Variants in MEGF10 observed in about 807,000 individuals in gnomAD.
MEGF10 encodes the protein multiple epidermal growth factor-like domains protein 10.
A neutral mutation model predicts 147.5 loss-of-function variants in MEGF10; 86 were observed. The observed-to-expected ratio is 0.58, with a 90% CI of 0.49 to 0.70. The LOEUF (loss-of-function observed/expected upper bound fraction) is 0.70. Among genes scored for constraint, MEGF10 ranks in the 30% least tolerant of loss-of-function variants. The probability of loss-of-function intolerance (pLI) is 0.00; values close to 1 mark genes in which losing one functional copy is unlikely to be tolerated. For missense variants in MEGF10, 1,329 were observed against 1,487.3 expected, an observed-to-expected ratio of 0.89 and a Z score of 1.75; for synonymous variants, 478 against 525.5, an observed-to-expected ratio of 0.91 and a Z score of 1.24.
chr5:127,253,047 A>G, the MEGF10 span, among the ~76,000 whole-genome samples: 2 of 152,020 alleles, frequency 1.3e-5, no homozygotes, highest in African/African-American at 4.8e-5. Context: ...CATTTAAAAT[A>G]AAGTGCTGAA....
At chr5:127,234,427 A>G in the MEGF10 span, among the ~76,000 whole-genome samples, 1 of 152,208 alleles carries the variant, frequency 6.6e-6, no homozygotes, top group Admixed American at 6.5e-5. Flanking sequence ...GAAGAAATGG[A>G]TATTGAATAG....
upstream of MEGF10, among the ~76,000 whole-genome samples, chr5:127,287,961 T>C (rs1174170491): frequency 1.3e-5 from 2 of 152,002 alleles, no homozygotes; most frequent in Non-Finnish European, 1.5e-5. Flanking sequence ...CTATGGCCAA[T>C]TGATTTTCAA....
rs1766463481 is a variant in MEGF10 at position 127,458,900 on chromosome 5, A to G, written c.*1582A>G. 6.6e-6 allele frequency: 1 copy of G among 152,190 alleles called. No individual in the cohort carries two copies. Among genetic ancestry groups the G allele is most frequent in the African/African-American group, 2.4e-5 (1 of 41,446 alleles). The allele number at this position is 152,190 out of a possible 1,614,324, so 9.4% of individuals were successfully genotyped here. A position where few individuals can be genotyped will look rare whatever the true frequency, so the allele number is the denominator to read the frequency against. On this transcript the variant is annotated 3_prime_UTR_variant, in exon 25 of 25. Coordinates refer to ENST00000503335, the MANE Select transcript of MEGF10 (RefSeq NM_001256545.2). ...GGGCATTATTAATAATTATCTTGTA[A>G]TGAACTTAAATCTGGACTGTTCCAG...
chr5:127,380,548 C>T lies in MEGF10; in HGVS notation c.412+10546C>T, dbSNP rs572165556. Among the ~76,000 whole-genome samples the T allele has an allele frequency of 5.1e-4, 77 of 150,102 alleles. 3 individuals carry two copies. Among genetic ancestry groups the T allele is most frequent in the Admixed American group, 4.3e-3 (65 of 15,038 alleles). On this transcript the variant is annotated intron_variant, in intron 5 of 24. Coordinates refer to ENST00000503335, the MANE Select transcript of MEGF10 (RefSeq NM_001256545.2). ...CTTTTTTTTTTTTGAGATGGAGTCTCGCATTGTCACCCGGGCTGGAGTGCA... is the reference window on the plus strand; with the variant it reads ...CTTTTTTTTTTTTGAGATGGAGTCTTGCATTGTCACCCGGGCTGGAGTGCA...
Position 127,459,532 on chromosome 5 carries a change from A to G in MEGF10, c.*2214A>G, listed in dbSNP as rs542905021. 6.6e-6 allele frequency: 1 copy of G among 152,206 alleles called. No individual in the cohort carries two copies. Among genetic ancestry groups the G allele is most frequent in the Admixed American group, 6.5e-5 (1 of 15,284 alleles). The allele number at this position is 152,206 out of a possible 1,614,324, so 9.4% of individuals were successfully genotyped here. On this transcript the variant is annotated 3_prime_UTR_variant, in exon 25 of 25. Coordinates refer to ENST00000503335, the MANE Select transcript of MEGF10 (RefSeq NM_001256545.2). ...CTTCAGAGCTGCATGGTAAATTTGA[A>G]TTTCCCCATTGTTCTCTAGAGCTAG...
chr5:127,280,055 A>G, the MEGF10 span, among the ~76,000 whole-genome samples: 1 of 152,198 alleles, frequency 6.6e-6, no homozygotes, highest in Non-Finnish European at 1.5e-5. Context: ...ATTATATTGT[A>G]TTAAAATAAT....
the MEGF10 span, among the ~76,000 whole-genome samples, chr5:127,263,502 A>T: frequency 6.6e-6 from 1 of 152,250 alleles, no homozygotes; most frequent in East Asian, 1.9e-4. Context: ...GGGAGACTTT[A>T]ATTTATTTAG....
intron 5 of MEGF10, among the ~76,000 whole-genome samples, chr5:127,388,494 A>G (rs1296635431): frequency 2.6e-5 from 4 of 151,100 alleles, no homozygotes; most frequent in African/African-American, 7.3e-5. Flanking sequence ...AAATCTGGCT[A>G]GCTCCTTAAT....
At chr5:127,421,138 G>A (rs1317158074) in intron 12 of MEGF10, among the ~76,000 whole-genome samples, 2 of 152,242 alleles carry the variant, frequency 1.3e-5, no homozygotes, top group Non-Finnish European at 2.9e-5. Context: ...AGTACTTGGA[G>A]ATGAGCTTGA....
the MEGF10 span, among the ~76,000 whole-genome samples, chr5:127,253,252 G>A: frequency 6.6e-6 from 1 of 151,996 alleles, no homozygotes; most frequent in African/African-American, 2.4e-5. Flanking sequence ...CTGGTATAGA[G>A]GCAAATACAA....
chr5:127,341,070 T>G (rs1283680349), intron 4 of MEGF10, among the ~76,000 whole-genome samples: 1 of 151,840 alleles, frequency 6.6e-6, no homozygotes, highest in South Asian at 2.1e-4. Context: ...TGTAGAGGAG[T>G]TTTCACATTA....
intron 8 of MEGF10, 106 bp from the exon 9 acceptor site, chr5:127,410,282 CA>C: frequency 1.9e-6 from 2 of 1,032,934 alleles, no homozygotes; most frequent in Non-Finnish European, 2.9e-6. Flanking sequence ...ATTGCAAGAG[CA>C]AAAAGCAGCT....
chr5:127,247,463 A>AGAG, the MEGF10 span, among the ~76,000 whole-genome samples: 2 of 140,952 alleles, frequency 1.4e-5, 1 homozygote, highest in Non-Finnish European at 3.1e-5. Flanking sequence ...AAGAAGAAGA[A>AGAG]GAAGAAGAAG....
chr5:127,247,239 C>A, the MEGF10 span, among the ~76,000 whole-genome samples: 1 of 139,078 alleles, frequency 7.2e-6, no homozygotes, highest in Admixed American at 7.6e-5. Flanking sequence ...AAAAAACTCA[C>A]AGAAAGTATT....
At chr5:127,413,564 T>C (rs1427159834) in intron 9 of MEGF10, among the ~76,000 whole-genome samples, 2 of 152,228 alleles carry the variant, frequency 1.3e-5, no homozygotes, top group African/African-American at 4.8e-5. Flanking sequence ...TATATAGTTA[T>C]ATGTGTTTAT....
intron 6 of MEGF10, among the ~76,000 whole-genome samples, chr5:127,398,248 A>C (rs963417550): frequency 1.3e-5 from 2 of 152,200 alleles, no homozygotes; most frequent in Non-Finnish European, 2.9e-5. Context: ...AAATTAAAAA[A>C]AAAAGGATGA....
chr5:127,451,129 T>C (rs1766140562), intron 22 of MEGF10, among the ~76,000 whole-genome samples: 1 of 152,190 alleles, frequency 6.6e-6, no homozygotes, highest in Admixed American at 6.5e-5. Flanking sequence ...AGGAGTAGAC[T>C]GGGAGGCACA....
At chr5:127,275,336 A>C in the MEGF10 span, among the ~76,000 whole-genome samples, 23 of 152,182 alleles carry the variant, frequency 1.5e-4, no homozygotes, top group African/African-American at 5.5e-4. Flanking sequence ...AAGGAGAGTG[A>C]GTCAGGGGCC....
At chr5:127,265,771 G>GT in the MEGF10 span, among the ~76,000 whole-genome samples, 1 of 152,004 alleles carries the variant, frequency 6.6e-6, no homozygotes, top group Non-Finnish European at 1.5e-5. Flanking sequence ...GGGGTTGTTT[G>GT]TTTTTTTCTT....
Sources: gnomAD v4.1 joint callset for allele counts (sites outside exome capture counted in the v4.1 genomes callset) on GRCh38, gnomAD v4.1.1 for gene constraint, MANE v1.5 for transcripts, NCBI Gene and HGNC (gene_info 2026-07-23, HGNC 2026-07-21) for gene names.